TRIM37: variants seen among roughly 807,000 people sequenced by gnomAD.
TRIM37 encodes E3 ubiquitin-protein ligase TRIM37.
In TRIM37, 80 loss-of-function variants were observed where a neutral mutation model predicts 129.8. That is an observed-to-expected ratio of 0.62 (90% CI 0.51 to 0.74). The LOEUF is 0.74. TRIM37 is among the 30% of genes least tolerant of loss of function. The pLI is 0.00. For missense variants in TRIM37, 1,054 were observed against 1,176.5 expected, an observed-to-expected ratio of 0.90 and a Z score of 1.52; for synonymous variants, 389 against 387.1, an observed-to-expected ratio of 1.00 and a Z score of -0.06.
rs1490841774 is a variant in TRIM37, at chr17:59,042,444, AAAAAAATATATATAT to A, written c.1668-561_1668-547del. 1.5e-3 allele frequency among the ~76,000 whole-genome samples: 66 copies of A among 43,104 alleles called. 2 individuals carry two copies. The highest frequency in any genetic ancestry group is 6.5e-3 in the Admixed American group (19 of 2,936). 28.3% of individuals were successfully genotyped at this position (43,104 alleles called of 152,430 possible). A position where few individuals can be genotyped will look rare whatever the true frequency, so the allele number is the denominator to read the frequency against. ...AAAAAAGGAATTTAAAAAAAAAAAA[AAAAAAATATATATAT>A]ATATATATATATATATCTCAAGGCC... On this transcript the variant is annotated intron_variant, in intron 16 of 23. Coordinates refer to ENST00000262294, the MANE Select transcript of TRIM37 (RefSeq NM_015294.6).
Position 59,049,227 on chromosome 17 carries a change from G to A in TRIM37, c.1481C>T (p.Ala494Val), listed in dbSNP as rs777776274. Residue 494 changes from alanine to valine, a missense_variant, in exon 15 of 24, where the codon GCC (alanine) becomes GTC (valine). Ala to Val is a moderately conservative substitution (Grantham distance 64). This residue lies in a region of TRIM37 where 752 missense variants were observed against 870.8 expected (regional missense o/e 0.86). Transcript: ENST00000262294. The part of the protein sequence containing the change: ...GGPTTASVRE[A>V]KEDEEDEEKI... The stretch of plus-strand genomic sequence containing the variant: ...CTCCTCATCTTCTTCATCCTCTTTG[G>A]CCTCTCTTACAGAAGCTGTAGTAGG... 6.2e-7 allele frequency: 1 copy of A among 1,613,166 alleles called. No homozygotes were observed. The highest frequency in any genetic ancestry group is 1.7e-5 in the Admixed American group (1 of 59,926).
chr17:59,064,464 TA>T, intron 9 of TRIM37, 59 bp from the exon 10 acceptor site: 6 of 1,348,158 alleles, frequency 4.5e-6, no homozygotes, highest in South Asian at 4.0e-5. Context: ...TCCATTTGCC[TA>T]AAAAAGCCAA....
At chr17:59,105,584 A>G (rs1225162932) in intron 1 of TRIM37, among the ~76,000 whole-genome samples, 1 of 152,178 alleles carries the variant, frequency 6.6e-6, no homozygotes, top group Non-Finnish European at 1.5e-5. Context: ...AAACCCTCCT[A>G]AAACCAAGAT....
At chr17:59,045,275 G>A (rs559042506) in intron 16 of TRIM37, among the ~76,000 whole-genome samples, 2 of 152,078 alleles carry the variant, frequency 1.3e-5, no homozygotes, top group African/African-American at 4.8e-5. Flanking sequence ...CTTGCAGTGA[G>A]CGGATATTGC....
intron 16 of TRIM37, among the ~76,000 whole-genome samples, chr17:59,042,443 A>ATATATATATATATATAT (rs1281091065): frequency 2.6e-4 from 13 of 50,196 alleles, no homozygotes; most frequent in African/African-American, 6.9e-4. Flanking sequence ...AAAAAAAAAA[A>ATATATATATATATATAT]AAAAAAATAT....
chr17:59,015,012 G>A (rs1349049712), intron 21 of TRIM37, among the ~76,000 whole-genome samples: 2 of 150,418 alleles, frequency 1.3e-5, no homozygotes, highest in South Asian at 2.1e-4. Context: ...GGGAGGCGGA[G>A]CGTGCAGTGA....
At position 59,106,549 on chromosome 17, in the gene TRIM37, T is replaced by C; in HGVS notation, c.-88A>G. On this transcript the variant is annotated 5_prime_UTR_variant, in exon 1 of 24. Transcript: ENST00000262294. ...GCCGGCCCGAGGTCGCCAGATCAAA[T>C]CGCCGATAAAAGCCCGGCGCCCACG... The C allele has an allele frequency of 6.5e-7, 1 of 1,548,622 alleles. No individual in the cohort carries two copies. Among genetic ancestry groups the C allele is most frequent in the Non-Finnish European group, 8.8e-7 (1 of 1,131,918 alleles).
intron 24 of TRIM37, among the ~76,000 whole-genome samples, chr17:58,990,363 C>T (rs920021629): frequency 3.3e-5 from 5 of 151,450 alleles, no homozygotes; most frequent in Middle Eastern, 3.2e-3. Flanking sequence ...TGGTGGTGCA[C>T]GCCTGTAATC....
At chr17:59,043,004 T>C (rs550717495) in intron 16 of TRIM37, among the ~76,000 whole-genome samples, 1 of 151,980 alleles carries the variant, frequency 6.6e-6, no homozygotes, top group African/African-American at 2.4e-5. Flanking sequence ...ACACTACATG[T>C]AGTGTTAGGC....
chr17:59,039,427 A>G (rs2038914292), intron 17 of TRIM37, among the ~76,000 whole-genome samples: 1 of 151,450 alleles, frequency 6.6e-6, no homozygotes, highest in Admixed American at 6.6e-5. Context: ...GCTCACTGCA[A>G]GCTCCGCCTC....
At chr17:59,087,458 C>CTTTTTT (rs56956832) in intron 4 of TRIM37, among the ~76,000 whole-genome samples, 1 of 130,820 alleles carries the variant, frequency 7.6e-6, no homozygotes, top group Non-Finnish European at 1.6e-5. Context: ...AAGCCTCTTT[C>CTTTTTT]TTTTTTTTTT....
At chr17:59,015,073 T>C (rs1392885707) in intron 21 of TRIM37, among the ~76,000 whole-genome samples, 1 of 129,638 alleles carries the variant, frequency 7.7e-6, no homozygotes, top group Non-Finnish European at 1.6e-5. Flanking sequence ...CGAGACTCCA[T>C]CTCAAAAAAA....
chr17:59,032,140 A>C, intron 17 of TRIM37, 50 bp from the exon 18 acceptor site: 1 of 1,569,638 alleles, frequency 6.4e-7, no homozygotes. Flanking sequence ...ACTTAGCTAT[A>C]CTTAAATGAA....
At chr17:59,076,127 CA>C (rs2042791693) in intron 7 of TRIM37, among the ~76,000 whole-genome samples, 1 of 151,930 alleles carries the variant, frequency 6.6e-6, no homozygotes, top group South Asian at 2.1e-4. Flanking sequence ...CAAAGTGGGC[CA>C]GATTTTTAGG....
chr17:59,093,935 C>T (rs1295389974), intron 2 of TRIM37, among the ~76,000 whole-genome samples: 2 of 152,126 alleles, frequency 1.3e-5, no homozygotes, highest in African/African-American at 4.8e-5. Flanking sequence ...CACTCCCTCC[C>T]CCAGGCTTGA....
intron 2 of TRIM37, among the ~76,000 whole-genome samples, chr17:59,093,378 G>C (rs905601293): frequency 1.3e-5 from 2 of 152,026 alleles, no homozygotes; most frequent in South Asian, 4.1e-4. Context: ...AACCCAGCAA[G>C]GTAATGTCTT....
In TRIM37 at chr17:59,070,952, GTGAGGAAAAAAATTATC is replaced by G. The variant is rs767516039; in HGVS notation, c.685-22_685-6del. The G allele has an allele frequency of 8.1e-6, 13 of 1,612,862 alleles. No individual in the cohort carries two copies. In the East Asian group the frequency reaches 2.9e-4, roughly 36 times the overall value. On this transcript the variant is annotated splice_polypyrimidine_tract_variant and splice_region_variant and intron_variant, in intron 8 of 23. Transcript: ENST00000262294. ...ACTCTTACTACAAGACCGCAACTGT[GTGAGGAAAAAAATTATC>G]TGAACAAACAAAATTACTATTCACT... is the stretch of plus-strand genomic sequence containing the variant.
At chr17:59,045,970 C>T (rs148137891) in intron 16 of TRIM37, among the ~76,000 whole-genome samples, 4,400 of 151,642 alleles carry the variant, frequency 0.029, 173 homozygotes, top group African/African-American at 0.09. Context: ...GAGCCAAGAT[C>T]GTGACACTGC....
chr17:58,983,084 C>G lies in TRIM37; in HGVS notation c.2892-163G>C, dbSNP rs2031464622. ...TAAAGGGAAAAAGTTACTACACATG[C>G]TAGGCTTTCTCAGTGGGGAAAAAAA... On this transcript the variant is annotated intron_variant, in intron 24 of 24. Coordinates refer to the TRIM37 transcript ENST00000393066. 12 of 603,024 alleles carry G rather than the reference C, an allele frequency of 2.0e-5. No homozygotes were observed. The South Asian group carries it at 2.6e-4, about 13-fold the overall frequency. The allele number at this position is 603,024 out of a possible 1,614,324, so 37.4% of individuals were successfully genotyped here. A position where few individuals can be genotyped will look rare whatever the true frequency, so the allele number is the denominator to read the frequency against.
Sources: gnomAD v4.1 joint callset for allele counts (sites outside exome capture counted in the v4.1 genomes callset) on GRCh38, gnomAD v4.1.1 for gene constraint, gnomAD v4.1.1 regional missense constraint, MANE v1.5 for transcripts, NCBI Gene and HGNC (gene_info 2026-07-23, HGNC 2026-07-21) for gene names.